LRP1B: variants seen among roughly 807,000 people sequenced by gnomAD.
LRP1B encodes LDL receptor related protein 1B.
LRP1B carries 217 observed loss-of-function variants against 556.6 expected under a neutral mutation model. The observed-to-expected ratio is 0.39, with a 90% confidence interval of 0.35 to 0.44. The LOEUF is 0.44. LRP1B is among the 20% of genes least tolerant of loss of function. The pLI is 1.00. For synonymous variants in LRP1B, 2,047 were observed against 1,865.8 expected, an observed-to-expected ratio of 1.10 and a Z score of -2.50; for missense variants, 5,053 against 5,620.8, an observed-to-expected ratio of 0.90 and a Z score of 3.23.
chr2:140,442,397 G>T, intron 66 of LRP1B, 107 bp downstream of exon 66: 1 of 1,401,952 alleles, frequency 7.1e-7, no homozygotes, highest in Non-Finnish European at 9.6e-7. Flanking sequence ...ACCTTTTCAG[G>T]TAAGACCTTA....
intron 41 of LRP1B, among the ~76,000 whole-genome samples, chr2:140,682,562 G>T (rs1194589444): frequency 6.6e-6 from 1 of 152,128 alleles, no homozygotes; most frequent in African/African-American, 2.4e-5. Context: ...ATACAGCAGA[G>T]AAGCTATTAG....
rs760348690 is a variant in LRP1B, at chr2:140,335,788, T to C, written c.11943A>G (p.Gly3981=). ...TAGAATGATCAGTCCAGTAAATGTT[T>C]CCAGCCACCCAGTCAACTGCAATGT... ...PRDIAVDWVA[G]NIYWTDHSRM... The change falls in exon 78 of 91, where the codon GGA becomes GGG. Residue 3981 remains glycine, a synonymous_variant. Transcript: ENST00000389484. 3.1e-6 allele frequency: 5 copies of C among 1,612,760 alleles called. No homozygotes were observed. In the South Asian group the frequency reaches 3.3e-5, roughly 11 times the overall value.
chr2:141,348,482 A>G (rs1422761799), intron 3 of LRP1B, among the ~76,000 whole-genome samples: 1 of 152,014 alleles, frequency 6.6e-6, no homozygotes, highest in Non-Finnish European at 1.5e-5. Context: ...ATTAATAATT[A>G]GTATTATTAA....
chr2:140,516,841 T>G (rs376094050), intron 50 of LRP1B, 48 bp downstream of exon 50: 6 of 1,570,904 alleles, frequency 3.8e-6, no homozygotes, highest in Admixed American at 3.4e-5. Context: ...TACTAACATA[T>G]AAGTAATAGT....
chr2:140,319,339 A>AAT (rs1679959990), intron 82 of LRP1B, among the ~76,000 whole-genome samples: 1 of 152,130 alleles, frequency 6.6e-6, no homozygotes, highest in South Asian at 2.1e-4. Context: ...GCATTATCCT[A>AAT]ATCTCTCTCC....
intron 68 of LRP1B, among the ~76,000 whole-genome samples, chr2:140,376,656 C>T (rs549579438): frequency 6.6e-6 from 1 of 152,030 alleles, no homozygotes; most frequent in African/African-American, 2.4e-5. Context: ...TTCTCTTGAG[C>T]GACCTTTGCA....
chr2:140,347,229 T>A (rs567881847), intron 77 of LRP1B, among the ~76,000 whole-genome samples: 1 of 151,926 alleles, frequency 6.6e-6, no homozygotes, highest in East Asian at 1.9e-4. Flanking sequence ...CATTCAGAAG[T>A]CTCATTTTGC....
chr2:140,707,388 C>T (rs755373429), intron 37 of LRP1B, among the ~76,000 whole-genome samples: 1 of 152,168 alleles, frequency 6.6e-6, no homozygotes, highest in Non-Finnish European at 1.5e-5. Context: ...GTTACCCTAT[C>T]TGCAAAAAGT....
chr2:140,813,168 A>G (rs1032508033), intron 32 of LRP1B, among the ~76,000 whole-genome samples: 2 of 152,160 alleles, frequency 1.3e-5, no homozygotes, highest in African/African-American at 4.8e-5. Flanking sequence ...TAACACTCAA[A>G]TAAGTAAAAT....
At chr2:141,881,559 TATTA>T (rs1320128345) in intron 1 of LRP1B, among the ~76,000 whole-genome samples, 2 of 152,160 alleles carry the variant, frequency 1.3e-5, no homozygotes, top group African/African-American at 2.4e-5. Context: ...CTATTTGAGC[TATTA>T]ATTTTTAAAA....
chr2:140,828,526 G>A (rs546167925), intron 31 of LRP1B, among the ~76,000 whole-genome samples: 109 of 135,906 alleles, frequency 8.0e-4, no homozygotes, highest in South Asian at 2.5e-4. Flanking sequence ...GGAGAATGGC[G>A]TGAACCTGGG....
rs543748179 is a variant in LRP1B, at chr2:141,433,523, T to C, written c.343+46873A>G. ...AACTTTTATTGTTTGATTGTCTATC[T>C]GTCCCTTTTGTCAGTTTTTGCTAAG... On this transcript the variant is annotated intron_variant, in intron 3 of 90. Coordinates refer to ENST00000389484, the MANE Select transcript of LRP1B (RefSeq NM_018557.3). Among the ~76,000 whole-genome samples, 15 of 152,274 alleles carry C rather than the reference T, an allele frequency of 9.9e-5. No homozygotes were observed. The East Asian group carries it at 2.7e-3, about 27-fold the overall frequency.
chr2:141,346,805 CATT>C (rs1243699478), intron 3 of LRP1B, among the ~76,000 whole-genome samples: 2 of 152,116 alleles, frequency 1.3e-5, no homozygotes, highest in African/African-American at 4.8e-5. Flanking sequence ...TACATTTCCT[CATT>C]ATCAATTTAG....
intron 2 of LRP1B, among the ~76,000 whole-genome samples, chr2:141,528,152 G>A (rs906539191): frequency 2.0e-5 from 3 of 151,488 alleles, no homozygotes; most frequent in Non-Finnish European, 4.4e-5. Flanking sequence ...GGCCTGCTTT[G>A]ACTTAGAGAT....
intron 1 of LRP1B, among the ~76,000 whole-genome samples, chr2:142,012,402 G>A (rs778080328): frequency 6.6e-6 from 1 of 151,772 alleles, no homozygotes; most frequent in Non-Finnish European, 1.5e-5. Flanking sequence ...CTTCACTTAG[G>A]GCCATATTAT....
intron 58 of LRP1B, 90 bp downstream of exon 58, chr2:140,487,527 T>C: frequency 8.0e-7 from 1 of 1,242,682 alleles, no homozygotes; most frequent in Non-Finnish European, 1.2e-6. Context: ...ATTTTATGAG[T>C]AATATCATGG....
intron 35 of LRP1B, among the ~76,000 whole-genome samples, chr2:140,756,781 C>T (rs1369823105): frequency 6.6e-6 from 1 of 151,946 alleles, no homozygotes; most frequent in Non-Finnish European, 1.5e-5. Context: ...AGATATGATA[C>T]AAAAAGCACA....
intron 2 of LRP1B, among the ~76,000 whole-genome samples, chr2:141,646,235 T>C (rs1282737808): frequency 6.6e-6 from 1 of 152,194 alleles, no homozygotes; most frequent in Non-Finnish European, 1.5e-5. Flanking sequence ...TCCATGTTTG[T>C]ATTGAAATGT....
intron 43 of LRP1B, among the ~76,000 whole-genome samples, chr2:140,561,843 A>T (rs1310850324): frequency 6.6e-6 from 1 of 152,144 alleles, no homozygotes; most frequent in African/African-American, 2.4e-5. Context: ...AAATATTTTA[A>T]GCAAAATATT....
Sources: allele counts gnomAD v4.1 joint callset (sites outside exome capture counted in the v4.1 genomes callset), GRCh38; gene constraint gnomAD v4.1.1; transcripts MANE v1.5; gene names NCBI Gene and HGNC (gene_info 2026-07-23, HGNC 2026-07-21).